Variants in CPSF7 observed in about 807,000 individuals in gnomAD.
CPSF7 encodes the protein cleavage and polyadenylation specific factor 7.
In CPSF7, 1 loss-of-function variant was observed where a neutral mutation model predicts 44.3. The observed-to-expected ratio is 0.02, with a 90% CI of 0.01 to 0.11. The LOEUF (loss-of-function observed/expected upper bound fraction) is 0.11, where lower values mean the gene tolerates loss of function less well. CPSF7 is among the 10% of genes least tolerant of loss of function. CPSF7 has a pLI of 1.00. For missense variants in CPSF7, 443 were observed against 607.2 expected (o/e 0.73, Z 2.84); for synonymous variants, 202 against 222.0 (o/e 0.91, Z 0.80).
At chr11:61,429,377 A>G (rs1413348993) in intron 1 of CPSF7, 87 bp from the exon 2 acceptor site, 4 of 783,694 alleles carry the variant, frequency 5.1e-6, no homozygotes, top group East Asian at 2.7e-5. Flanking sequence ...TCCCATCTCC[A>G]GAGACGCAGC....
At chr11:61,412,976 G>A (rs1187773605) in intron 7 of CPSF7, among the ~76,000 whole-genome samples, 3 of 152,190 alleles carry the variant, frequency 2.0e-5, no homozygotes, top group African/African-American at 7.2e-5. Context: ...TTGTTTTTGA[G>A]ATGGGTCTTG....
intron 9 of CPSF7, among the ~76,000 whole-genome samples, chr11:61,408,475 C>T (rs1859535032): frequency 6.6e-6 from 1 of 152,146 alleles, no homozygotes; most frequent in Admixed American, 6.5e-5. Context: ...TATAAATCTG[C>T]AACCACAAAA....
chr11:61,406,995 C>G (rs1240478080), intron 9 of CPSF7, among the ~76,000 whole-genome samples: 7 of 152,096 alleles, frequency 4.6e-5, no homozygotes, highest in African/African-American at 1.7e-4. Context: ...TCAGGCTGGT[C>G]CCTGAGCTCA....
intron 3 of CPSF7, chr11:61,421,044 C>A (rs1445076074): frequency 1.7e-5 from 22 of 1,317,810 alleles, no homozygotes; most frequent in Non-Finnish European, 2.2e-5. Flanking sequence ...CTTTAATCCC[C>A]ATCACCCACC....
chr11:61,416,628 G>C lies in CPSF7; in HGVS notation c.524-109C>G, dbSNP rs1042755353. 11 of 1,185,116 alleles carry C rather than the reference G, an allele frequency of 9.3e-6. No homozygotes were observed. The African/African-American group carries it at 1.4e-4, about 15-fold the overall frequency. 73.4% of individuals were successfully genotyped at this position (1,185,116 alleles called of 1,614,324 possible). On this transcript the variant is annotated intron_variant, in intron 5 of 9. Transcript: ENST00000439958. ...CACCCTACAAAGGAAGGTGACTAAA[G>C]AGGCTGAGAAGGTAAAATCATCTAC...
chr11:61,408,621 T>C (rs1565098946), intron 9 of CPSF7, among the ~76,000 whole-genome samples: 1 of 152,214 alleles, frequency 6.6e-6, no homozygotes, highest in Non-Finnish European at 1.5e-5. Context: ...GCTTATATAA[T>C]AGAAACAATC....
chr11:61,415,012 G>A (rs141869097), intron 7 of CPSF7, among the ~76,000 whole-genome samples: 138 of 152,260 alleles, frequency 9.1e-4, no homozygotes, highest in African/African-American at 3.2e-3. Context: ...CGAGACAGGC[G>A]GATCACTTGT....
At chr11:61,415,829 AT>A in intron 6 of CPSF7, 45 bp from the exon 7 acceptor site, 1 of 1,329,150 alleles carries the variant, frequency 7.5e-7, no homozygotes, top group Non-Finnish European at 1.1e-6. Context: ...ATCCCTTATT[AT>A]TTTTACTGTA....
intron 1 of CPSF7, chr11:61,429,655 G>T: frequency 7.4e-7 from 1 of 1,345,442 alleles, no homozygotes; most frequent in Non-Finnish European, 1.0e-6. Flanking sequence ...AGGCGGCTCC[G>T]GCCAGAGCCC....
chr11:61,414,862 C>A (rs189851144), intron 7 of CPSF7, among the ~76,000 whole-genome samples: 12 of 152,338 alleles, frequency 7.9e-5, no homozygotes, highest in Admixed American at 7.8e-4. Flanking sequence ...CTTAAGATGA[C>A]ATCTACAGAC....
intron 2 of CPSF7, among the ~76,000 whole-genome samples, chr11:61,428,453 T>C (rs1018577175): frequency 6.6e-5 from 10 of 152,174 alleles, no homozygotes; most frequent in African/African-American, 2.4e-4. Flanking sequence ...CCAGAGCAGC[T>C]GAGATTACAG....
At chr11:61,414,050 T>C (rs1860087383) in intron 7 of CPSF7, among the ~76,000 whole-genome samples, 1 of 152,146 alleles carries the variant, frequency 6.6e-6, no homozygotes, top group Admixed American at 6.6e-5. Flanking sequence ...AAAGGGTTGA[T>C]GAGGAAGAAG....
chr11:61,426,620 C>T (rs930900105), intron 2 of CPSF7: 2 of 152,232 alleles, frequency 1.3e-5, no homozygotes, highest in Non-Finnish European at 2.9e-5. Flanking sequence ...ATAACTTATA[C>T]TCTAACAAAG....
intron 2 of CPSF7, chr11:61,426,394 CTAAT>C (rs1180139334): frequency 6.6e-6 from 1 of 152,126 alleles, no homozygotes; most frequent in African/African-American, 2.4e-5. Flanking sequence ...TCAAAAATAA[CTAAT>C]TGATATGTGT....
Position 61,429,940 on chromosome 11 carries a change from G to C in CPSF7, c.-82C>G, listed in dbSNP as rs1414804062. 2.8e-6 allele frequency: 4 copies of C among 1,411,872 alleles called. No individual in the cohort carries two copies. Among genetic ancestry groups the C allele is most frequent in the East Asian group, 2.6e-5 (1 of 38,694 alleles). 87.5% of individuals were successfully genotyped at this position (1,411,872 alleles called of 1,614,324 possible). A position where few individuals can be genotyped will look rare whatever the true frequency, so the allele number is the denominator to read the frequency against. ...GGGAATATGGCGGCGGCGGCGGCGAGTCCGGACTAGGCCCGAAGCGCGCGA... is the reference window on the plus strand; with the variant it reads ...GGGAATATGGCGGCGGCGGCGGCGACTCCGGACTAGGCCCGAAGCGCGCGA... On this transcript the variant is annotated 5_prime_UTR_variant, in exon 1 of 10. Transcript: ENST00000439958.
rs1031267311 is a variant in CPSF7, at chr11:61,402,783, A to C, written c.*1927T>G. The C allele has an allele frequency of 1.3e-5, 2 of 152,616 alleles. No individual in the cohort carries two copies. Among genetic ancestry groups the C allele is most frequent in the African/African-American group, 4.8e-5 (2 of 41,448 alleles). 9.5% of individuals were successfully genotyped at this position (152,616 alleles called of 1,614,324 possible). On this transcript the variant is annotated 3_prime_UTR_variant, in exon 10 of 10. Transcript: ENST00000439958. ...TTTTCAACCTATCAGAAAGACAAAC[A>C]AATCACCGACAACAGGGGGACGGGA...
chr11:61,429,959 C>T lies in CPSF7; in HGVS notation c.-101G>A. The T allele has an allele frequency of 7.6e-7, 1 of 1,311,624 alleles. No individual in the cohort carries two copies. Among genetic ancestry groups the T allele is most frequent in the Non-Finnish European group, 1.0e-6 (1 of 973,042 alleles). The allele number at this position is 1,311,624 out of a possible 1,614,324, so 81.2% of individuals were successfully genotyped here. ...CGGCGAGTCCGGACTAGGCCCGAAGCGCGCGAACCGCTCTCCGCCCCAGGT... is the reference window on the plus strand; with the variant it reads ...CGGCGAGTCCGGACTAGGCCCGAAGTGCGCGAACCGCTCTCCGCCCCAGGT... On this transcript the variant is annotated 5_prime_UTR_variant, in exon 1 of 10. Coordinates refer to ENST00000439958, the MANE Select transcript of CPSF7 (RefSeq NM_001142565.3).
intron 2 of CPSF7, among the ~76,000 whole-genome samples, chr11:61,427,655 GAA>G (rs576742257): frequency 1.2e-4 from 5 of 41,704 alleles, no homozygotes; most frequent in Admixed American, 2.4e-4. Context: ...TCTGTCTCAA[GAA>G]AAAAAAAAAA....
At position 61,416,496 on chromosome 11, in the gene CPSF7, G is replaced by C. The variant is rs1860353001; in HGVS notation, c.547C>G (p.Arg183Gly). Residue 183 changes from arginine (R) to glycine (G), a missense_variant, in exon 6 of 10, where the codon CGA becomes GGA. By Grantham distance (125) the Arg-to-Gly change is moderately radical (BLOSUM62 -2). Coordinates refer to ENST00000439958, the MANE Select transcript of CPSF7 (RefSeq NM_001142565.3). ...RKRIPPRAHSRDSSDSADGRA... is the reference protein window; with the variant it reads ...RKRIPPRAHSGDSSDSADGRA... ...CCATCAGCAGAATCACTAGAATCTC[G>C]GGAATGGGCCCGTGGAGGTATTCCT... 1.2e-6 allele frequency: 2 copies of C among 1,613,976 alleles called. No homozygotes were observed. The highest frequency in any genetic ancestry group is 1.7e-6 in the Non-Finnish European group (2 of 1,180,014).
Sources: allele counts gnomAD v4.1 joint callset (sites outside exome capture counted in the v4.1 genomes callset), GRCh38; gene constraint gnomAD v4.1.1; transcripts MANE v1.5; gene names NCBI Gene and HGNC (gene_info 2026-07-23, HGNC 2026-07-21).